Variants in CNIH3 observed in about 807,000 individuals in gnomAD.
The protein encoded by CNIH3 is cornichon family AMPA receptor auxiliary protein 3, also known as protein cornichon homolog 3.
Under a neutral mutation model 24.1 loss-of-function variants are expected in CNIH3, and 14 were observed. That is an observed-to-expected ratio of 0.58 (90% CI 0.38 to 0.91). The LOEUF (loss-of-function observed/expected upper bound fraction) is 0.91. CNIH3 is among the 40% of genes least tolerant of loss of function. The probability of loss-of-function intolerance (pLI) is 0.00; values close to 1 mark genes in which losing one functional copy is unlikely to be tolerated. For missense variants in CNIH3, 178 were observed against 196.8 expected (o/e 0.90, Z 0.57); for synonymous variants, 68 against 73.8 (o/e 0.92, Z 0.40).
chr1:224,515,581 T>C (rs1039702913), upstream of CNIH3, among the ~76,000 whole-genome samples: 13 of 152,362 alleles, frequency 8.5e-5, no homozygotes, highest in East Asian at 1.9e-4. Context: ...GCTAACAACT[T>C]GTCAGGTCTG....
chr1:224,460,230 C>T (rs188027510), intron 1 of CNIH3, among the ~76,000 whole-genome samples: 1 of 152,156 alleles, frequency 6.6e-6, no homozygotes, highest in East Asian at 1.9e-4. Context: ...TTAAAACAGC[C>T]ACAATGAGGT....
chr1:224,509,114 G>A (rs1436356562), intron 1 of CNIH3, among the ~76,000 whole-genome samples: 1 of 152,202 alleles, frequency 6.6e-6, no homozygotes, highest in East Asian at 1.9e-4. Context: ...CTCGAGGTCA[G>A]GAGTTCAAGA....
intron 1 of CNIH3, among the ~76,000 whole-genome samples, chr1:224,466,918 TTA>T (rs1676171829): frequency 6.6e-6 from 1 of 152,248 alleles, no homozygotes; most frequent in Non-Finnish European, 1.5e-5. Flanking sequence ...CACTTGCTAA[TTA>T]TATTGTTTGC....
intron 4 of CNIH3, among the ~76,000 whole-genome samples, chr1:224,581,590 T>C (rs1462625130): frequency 6.6e-6 from 1 of 152,224 alleles, no homozygotes; most frequent in Non-Finnish European, 1.5e-5. Context: ...ACCTCCTCAC[T>C]GGCTCCCTTT....
intron 1 of CNIH3, among the ~76,000 whole-genome samples, chr1:224,443,302 A>G (rs1399311517): frequency 1.3e-5 from 2 of 152,186 alleles, no homozygotes; most frequent in Non-Finnish European, 2.9e-5. Context: ...AGCTAGGTTT[A>G]TATTTACAAC....
Position 224,457,108 on chromosome 1 carries a change from A to C in CNIH3, n.203+22246A>C, listed in dbSNP as rs189390491. Among the ~76,000 whole-genome samples, 401 of 152,318 alleles carry C rather than the reference A, an allele frequency of 2.6e-3. 7 individuals carry two copies. Among genetic ancestry groups the C allele is most frequent in the Admixed American group, 0.023 (359 of 15,302 alleles). On this transcript the variant is annotated intron_variant and non_coding_transcript_variant, in intron 1 of 5. Transcript: ENST00000471578. ...GGAGGTCGAATGTTTCTAGGTCAGC[A>C]GCTCAGGACAGCAGGCAGGTCAGGC... is the stretch of plus-strand genomic sequence containing the variant.
chr1:224,593,012 G>A (rs897984655), downstream of CNIH3, among the ~76,000 whole-genome samples: 6 of 152,034 alleles, frequency 3.9e-5, no homozygotes, highest in African/African-American at 1.2e-4. Flanking sequence ...TTAGATGAGC[G>A]GGAAATGCAA....
chr1:224,543,780 C>T (rs1308969238), intron 2 of CNIH3, among the ~76,000 whole-genome samples: 1 of 152,156 alleles, frequency 6.6e-6, no homozygotes, highest in Non-Finnish European at 1.5e-5. Flanking sequence ...TTCTGTCCCT[C>T]GCACACACCA....
intron 3 of CNIH3, among the ~76,000 whole-genome samples, chr1:224,564,731 A>T (rs1332798998): frequency 6.6e-6 from 1 of 152,232 alleles, no homozygotes; most frequent in African/African-American, 2.4e-5. Context: ...AGCCACCTCA[A>T]TGCACTCTGC....
At chr1:224,626,571 G>A (rs1305257649) in intron 1 of CNIH3, among the ~76,000 whole-genome samples, 1 of 152,164 alleles carries the variant, frequency 6.6e-6, no homozygotes, top group Admixed American at 6.5e-5. Flanking sequence ...AGTGTCCTGG[G>A]CATTAAAAGA....
intron 3 of CNIH3, among the ~76,000 whole-genome samples, chr1:224,564,259 TGGTGG>T (rs890797853): frequency 6.6e-6 from 1 of 152,260 alleles, no homozygotes; most frequent in African/African-American, 2.4e-5. Context: ...TGCTAGGCAC[TGGTGG>T]CACAGAGTGG....
At chr1:224,451,637 G>A (rs1311266177) in intron 1 of CNIH3, among the ~76,000 whole-genome samples, 1 of 152,140 alleles carries the variant, frequency 6.6e-6, no homozygotes, top group Non-Finnish European at 1.5e-5. Context: ...AGGATTGAAA[G>A]GAATTTTGGA....
chr1:224,599,796 T>C (rs1265356629), intron 3 of CNIH3, among the ~76,000 whole-genome samples: 1 of 152,200 alleles, frequency 6.6e-6, no homozygotes, highest in African/African-American at 2.4e-5. Context: ...GATATCACTA[T>C]TGGAATATTG....
At chr1:224,601,335 T>C (rs944463497) in intron 3 of CNIH3, among the ~76,000 whole-genome samples, 12 of 152,142 alleles carry the variant, frequency 7.9e-5, no homozygotes, top group African/African-American at 2.7e-4. Flanking sequence ...GAGGTGTTTT[T>C]CCCTTACCAC....
intron 3 of CNIH3, among the ~76,000 whole-genome samples, chr1:224,725,512 G>A (rs956486483): frequency 6.6e-6 from 1 of 152,130 alleles, no homozygotes. Context: ...AGTCGACAGG[G>A]GCATTCAGAG....
At chr1:224,679,909 T>C (rs11807770) in intron 1 of CNIH3, among the ~76,000 whole-genome samples, 2,686 of 152,180 alleles carry the variant, frequency 0.018, 35 homozygotes, top group Non-Finnish European at 0.027. Flanking sequence ...TTTATTTTCC[T>C]TTTTTTCTCC....
chr1:224,715,868 A>G (rs907929329), intron 3 of CNIH3, among the ~76,000 whole-genome samples: 2 of 152,200 alleles, frequency 1.3e-5, no homozygotes, highest in African/African-American at 4.8e-5. Context: ...GTACCGCCAC[A>G]TTGAGGATCA....
chr1:224,444,579 A>G (rs1675064290), intron 1 of CNIH3, among the ~76,000 whole-genome samples: 1 of 151,410 alleles, frequency 6.6e-6, no homozygotes, highest in Admixed American at 6.6e-5. Context: ...CAAACTCCTG[A>G]CCGTGTGATC....
At chr1:224,611,725 T>C (rs544088623), upstream of CNIH3, 3 of 152,324 alleles carry the variant, frequency 2.0e-5, no homozygotes, top group South Asian at 6.2e-4. Context: ...GAAAACAATG[T>C]AGGTTGGTCA....
Sources: allele counts gnomAD v4.1 joint callset (sites outside exome capture counted in the v4.1 genomes callset), GRCh38; gene constraint gnomAD v4.1.1; transcripts MANE v1.5; gene names NCBI Gene and HGNC (gene_info 2026-07-23, HGNC 2026-07-21).